Variants in SLC12A3 observed in about 807,000 individuals in gnomAD.
SLC12A3 encodes the protein Na-Cl cotransporter.
Under a neutral mutation model 121.0 loss-of-function variants are expected in SLC12A3, and 104 were observed. The ratio of observed to expected loss-of-function variants is 0.86; its 90% CI spans 0.73 to 1.01. The LOEUF (loss-of-function observed/expected upper bound fraction) is 1.01. Among genes scored for constraint, SLC12A3 ranks in the 50% least tolerant of loss-of-function variants. The pLI is 0.00. For synonymous variants in SLC12A3, 536 were observed against 533.4 expected (o/e 1.00, Z -0.07); for missense variants, 1,328 against 1,356.3 (o/e 0.98, Z 0.33).
At chr16:56,879,689 G>A (rs373549018) in intron 11 of SLC12A3, 40 bp downstream of exon 11, 44 of 1,495,654 alleles carry the variant, frequency 2.9e-5, no homozygotes, top group Non-Finnish European at 3.9e-5. Context: ...AGGGGGTGGG[G>A]AGCCTGGGCT....
In SLC12A3 at chr16:56,865,371, A is replaced by C; in HGVS notation, c.136A>C (p.Thr46Pro). ...TGACAGCAGCCACCCCAGCCACCTG[A>C]CCCACAGCAGCACCTTCTGCATGCG... The part of the protein sequence containing the change: ...AYDSSHPSHL[T>P]HSSTFCMRTF... The change falls in exon 1 of 26, where the codon ACC (threonine) becomes CCC (proline). Residue 46 changes from threonine (T) to proline (P), a missense_variant. Coordinates refer to ENST00000563236, the MANE Select transcript of SLC12A3 (RefSeq NM_001126108.2). 1 of 1,614,004 alleles carries C rather than the reference A, an allele frequency of 6.2e-7. No homozygotes were observed. The highest frequency in any genetic ancestry group is 1.6e-4 in the Middle Eastern group (1 of 6,062).
At chr16:56,904,488 G>C (rs1225493188) in intron 25 of SLC12A3, 26 bp downstream of exon 25, 3 of 1,608,314 alleles carry the variant, frequency 1.9e-6, no homozygotes, top group Non-Finnish European at 2.6e-6. Context: ...CTGGTGGGAG[G>C]ACCAGTCTGT....
rs1474852242 is a variant in SLC12A3, at chr16:56,892,945, T to G, written c.2420-8T>G. The stretch of plus-strand genomic sequence containing the variant: ...GGCTCTGCTCTGACCCGCCCCCACC[T>G]CCTGCAGTGGACCCCAAGGCCCTGG... On this transcript the variant is annotated splice_polypyrimidine_tract_variant and splice_region_variant and intron_variant, in intron 20 of 25. Coordinates refer to ENST00000563236, the MANE Select transcript of SLC12A3 (RefSeq NM_001126108.2). The G allele has an allele frequency of 6.2e-7, 1 of 1,608,874 alleles. No individual in the cohort carries two copies. Among genetic ancestry groups the G allele is most frequent in the African/African-American group, 1.3e-5 (1 of 74,968 alleles).
At chr16:56,892,324 A>G (rs553756737) in intron 20 of SLC12A3, among the ~76,000 whole-genome samples, 191 bp downstream of exon 20, 23 of 152,212 alleles carry the variant, frequency 1.5e-4, no homozygotes, top group Admixed American at 1.4e-3. Flanking sequence ...AAAGATTGCC[A>G]GCAGCCAGGC....
intron 25 of SLC12A3, among the ~76,000 whole-genome samples, chr16:56,908,350 G>T (rs2055637649): frequency 6.6e-6 from 1 of 151,884 alleles, no homozygotes; most frequent in East Asian, 1.9e-4. Context: ...GCACCATGGT[G>T]GCCAGGCTGA....
chr16:56,876,772 T>TG (rs1407006725), intron 8 of SLC12A3, among the ~76,000 whole-genome samples: 12 of 152,278 alleles, frequency 7.9e-5, no homozygotes, highest in African/African-American at 2.2e-4. Flanking sequence ...CAGGGAAGGC[T>TG]GGGGGGGTTT....
chr16:56,881,206 G>A (rs911282637), intron 12 of SLC12A3, among the ~76,000 whole-genome samples: 8 of 152,190 alleles, frequency 5.3e-5, no homozygotes, highest in Non-Finnish European at 8.8e-5. Context: ...AATCCATGCC[G>A]TTCAGGCTGG....
intron 25 of SLC12A3, among the ~76,000 whole-genome samples, chr16:56,905,313 T>TG (rs3838869): frequency 0.35 from 45,985 of 132,032 alleles, 8,663 homozygotes; most frequent in African/African-American, 0.55. Context: ...CACTCCAGCC[T>TG]GGCAACAAGA....
rs1964406147 is a variant in SLC12A3, at chr16:56,868,277, T to TGACCCCCCTGTCCTCC, written c.430-19_430-4dup. 1.2e-6 allele frequency: 2 copies of TGACCCCCCTGTCCTCC among 1,613,034 alleles called. No individual in the cohort carries two copies. Among genetic ancestry groups the TGACCCCCCTGTCCTCC allele is most frequent in the Admixed American group, 1.7e-5 (1 of 59,950 alleles). On this transcript the variant is annotated intron_variant, in intron 2 of 25. Coordinates refer to ENST00000563236, the MANE Select transcript of SLC12A3 (RefSeq NM_001126108.2). The stretch of plus-strand genomic sequence containing the variant: ...TTGGGGTGTCCACCCAGGTGGCCTC[T>TGACCCCCCTGTCCTCC]GACCCCCCTGTCCTCCCAGATTCGT...
chr16:56,903,168 G>A (rs62035955), intron 24 of SLC12A3, among the ~76,000 whole-genome samples: 19,886 of 148,514 alleles, frequency 0.13, 1,395 homozygotes, highest in Middle Eastern at 0.18. Context: ...AAAAAAAATT[G>A]TCCTGTGGGC....
intron 25 of SLC12A3, among the ~76,000 whole-genome samples, chr16:56,910,887 A>G (rs1235758650): frequency 1.3e-5 from 2 of 152,190 alleles, no homozygotes; most frequent in Non-Finnish European, 2.9e-5. Context: ...TTATTTCTGA[A>G]GATTAGTAGC....
rs1394408906 is a variant in SLC12A3 at position 56,879,069 on chromosome 16, T to C, written c.1181-4T>C. 1 of 1,606,384 alleles carries C rather than the reference T, an allele frequency of 6.2e-7. No individual in the cohort carries two copies. Among genetic ancestry groups the C allele is most frequent in the South Asian group, 1.1e-5 (1 of 89,794 alleles). Reference sequence around the variant, plus strand: ...CCTCCCCATGCTCTCCTTCCTCCTCTCAGGCTCCTGCGTGGTGCGTGATGC... The same window carrying C: ...CCTCCCCATGCTCTCCTTCCTCCTCCCAGGCTCCTGCGTGGTGCGTGATGC... On this transcript the variant is annotated splice_polypyrimidine_tract_variant and splice_region_variant and intron_variant, in intron 9 of 25. Transcript: ENST00000563236.
chr16:56,882,486 C>A lies in SLC12A3; in HGVS notation c.1658C>A (p.Thr553Asn), dbSNP rs761816117. Residue 553 changes from threonine (T) to asparagine (N), a missense_variant, in exon 13 of 26, where the codon ACC becomes AAC. Thr to Asn is a moderately conservative substitution (Grantham distance 65). Transcript: ENST00000563236. ...INFSCFHASI[T>N]NSPGWRPSFQ... ...TTCAGCTGCTTCCACGCCTCCATCA[C>A]CAACTCGCCTGGTAAGCAAACCCTT... The A allele has an allele frequency of 1.2e-6, 2 of 1,613,574 alleles. No individual in the cohort carries two copies. The highest frequency in any genetic ancestry group is 1.7e-6 in the Non-Finnish European group (2 of 1,179,464).
chr16:56,876,917 G>A (rs1380868218), intron 8 of SLC12A3, among the ~76,000 whole-genome samples: 5 of 152,170 alleles, frequency 3.3e-5, no homozygotes, highest in Admixed American at 6.5e-5. Context: ...CTTGGAGCCC[G>A]AGGCTGTTGA....
At chr16:56,902,590 C>T in intron 24 of SLC12A3, 82 bp downstream of exon 24, 1 of 1,540,256 alleles carries the variant, frequency 6.5e-7, no homozygotes, top group Admixed American at 1.7e-5. Flanking sequence ...GCTCCCCCAG[C>T]CCCTCCCCTC....
intron 3 of SLC12A3, 141 bp from the exon 4 acceptor site, chr16:56,869,588 A>G: frequency 1.4e-6 from 1 of 735,690 alleles, no homozygotes; most frequent in Non-Finnish European, 2.4e-6. Context: ...GGCCTCCCAA[A>G]GTGACAGAGA....
chr16:56,903,844 A>G (rs1028303363), intron 24 of SLC12A3, among the ~76,000 whole-genome samples: 1 of 152,186 alleles, frequency 6.6e-6, no homozygotes, highest in Non-Finnish European at 1.5e-5. Flanking sequence ...TCTTTGGAAA[A>G]TGCTGAATAA....
At position 56,865,473 on chromosome 16, in the gene SLC12A3, C is replaced by T. The variant is rs775545678; in HGVS notation, c.238C>T (p.Arg80Trp). Residue 80 changes from arginine (R) to tryptophan (W), a missense_variant, in exon 1 of 26, where the codon CGG (arginine) becomes TGG (tryptophan). Physicochemically the swap from Arg to Trp is moderately radical, Grantham distance 101. Transcript: ENST00000563236. ...YANSTQPGEP[R>W]KVRPTLADLH... The stretch of plus-strand genomic sequence containing the variant: ...CAACAGCACCCAGCCTGGTGAGCCC[C>T]GGAAGGTCCGGCCCACACTGGCTGA... 11 of 1,613,888 alleles carry T rather than the reference C, an allele frequency of 6.8e-6. No homozygotes were observed. The highest frequency in any genetic ancestry group is 1.6e-4 in the Middle Eastern group (1 of 6,062).
intron 23 of SLC12A3, among the ~76,000 whole-genome samples, chr16:56,901,278 G>A (rs114685949): frequency 0.014 from 2,112 of 151,486 alleles, 49 homozygotes; most frequent in African/African-American, 0.049. Context: ...TGTCCCAGGT[G>A]AGCTCATCCA....
Sources: gnomAD v4.1 joint callset for allele counts (sites outside exome capture counted in the v4.1 genomes callset) on GRCh38, gnomAD v4.1.1 for gene constraint, MANE v1.5 for transcripts, NCBI Gene and HGNC (gene_info 2026-07-23, HGNC 2026-07-21) for gene names.